The following XXYLT1 variants were observed in gnomAD, a reference collection of about 807,000 sequenced individuals.
XXYLT1 encodes xyloside xylosyltransferase 1.
A neutral mutation model predicts 28.9 loss-of-function variants in XXYLT1; 20 were observed. That is an observed-to-expected ratio of 0.69 (90% CI 0.49 to 1.00). The LOEUF (loss-of-function observed/expected upper bound fraction) is 1.00. XXYLT1 is among the 50% of genes least tolerant of loss of function. The pLI is 0.00. For missense variants in XXYLT1, 542 were observed against 560.1 expected, an observed-to-expected ratio of 0.97 and a Z score of 0.33; for synonymous variants, 257 against 253.8, an observed-to-expected ratio of 1.01 and a Z score of -0.12.
intron 3 of XXYLT1, chr3:195,152,696 A>G (rs749412343): frequency 5.3e-5 from 8 of 152,254 alleles, no homozygotes; most frequent in Non-Finnish European, 1.2e-4. Flanking sequence ...CTCATGGCAC[A>G]CAATACAGAG....
chr3:195,175,256 C>T (rs1721604269), intron 2 of XXYLT1, among the ~76,000 whole-genome samples: 1 of 152,192 alleles, frequency 6.6e-6, no homozygotes. Flanking sequence ...GAAGTCCTCT[C>T]CCCATAACAA....
intron 2 of XXYLT1, among the ~76,000 whole-genome samples, chr3:195,225,239 C>G (rs1168358188): frequency 6.6e-6 from 1 of 152,186 alleles, no homozygotes; most frequent in African/African-American, 2.4e-5. Flanking sequence ...GTGAGCTCGT[C>G]TCCTCTCTTC....
chr3:195,186,286 T>A (rs73063140), intron 2 of XXYLT1, among the ~76,000 whole-genome samples: 1 of 152,134 alleles, frequency 6.6e-6, no homozygotes, highest in Non-Finnish European at 1.5e-5. Flanking sequence ...GAAGAACGCA[T>A]GCAAAAGTAC....
chr3:195,197,637 T>A (rs1002706473), intron 2 of XXYLT1, among the ~76,000 whole-genome samples: 1 of 152,102 alleles, frequency 6.6e-6, no homozygotes, highest in Non-Finnish European at 1.5e-5. Flanking sequence ...AAATTGAAAC[T>A]ATCTAAACAA....
At chr3:195,121,984 C>T in intron 3 of XXYLT1, 1 of 700,814 alleles carries the variant, frequency 1.4e-6, no homozygotes, top group Non-Finnish European at 2.6e-6. Flanking sequence ...AACAAAGTAC[C>T]ACAGACTGGG....
chr3:195,246,481 C>T (rs1316423987), intron 1 of XXYLT1, among the ~76,000 whole-genome samples: 2 of 152,190 alleles, frequency 1.3e-5, no homozygotes, highest in African/African-American at 2.4e-5. Context: ...TTCAAACACA[C>T]GGGCCTTCCA....
intron 1 of XXYLT1, among the ~76,000 whole-genome samples, chr3:195,265,373 A>G (rs537942483): frequency 2.6e-5 from 4 of 152,282 alleles, no homozygotes; most frequent in African/African-American, 9.6e-5. Flanking sequence ...TCTCAAAAAA[A>G]AAAAAAAGAA....
chr3:195,168,963 T>C lies in XXYLT1; in HGVS notation c.653-12382A>G, dbSNP rs1206578784. 6.6e-6 allele frequency among the ~76,000 whole-genome samples: 1 copy of C among 152,208 alleles called. No homozygotes were observed. Among genetic ancestry groups the C allele is most frequent in the Non-Finnish European group, 1.5e-5 (1 of 68,030 alleles). ...TCCACCCACTCCCTGTGCAGTTACC[T>C]ACTTCTGGGAAACAAATCACTCCAA... On this transcript the variant is annotated intron_variant, in intron 2 of 3. Coordinates refer to ENST00000310380, the MANE Select transcript of XXYLT1 (RefSeq NM_152531.5). The surrounding 1 kb of genome is among the most constrained non-coding windows in gnomAD (Gnocchi z 4.3).
chr3:195,261,189 T>C (rs567781922), intron 1 of XXYLT1, among the ~76,000 whole-genome samples: 6 of 152,284 alleles, frequency 3.9e-5, no homozygotes, highest in Non-Finnish European at 7.4e-5. Context: ...TCCCAGCATT[T>C]TGGGAGGCGG....
At chr3:195,170,450 A>G (rs7640967) in intron 2 of XXYLT1, among the ~76,000 whole-genome samples, 6,216 of 152,278 alleles carry the variant, frequency 0.041, 430 homozygotes, top group African/African-American at 0.14. Flanking sequence ...CTTCTTCCGA[A>G]GCCAAGTCCG....
chr3:195,226,362 G>A (rs183534735), intron 2 of XXYLT1, among the ~76,000 whole-genome samples: 73 of 152,294 alleles, frequency 4.8e-4, no homozygotes, highest in African/African-American at 1.3e-3. Flanking sequence ...TTTGGATGGA[G>A]GATCATCTAA....
intron 2 of XXYLT1, among the ~76,000 whole-genome samples, chr3:195,204,043 T>C (rs994731643): frequency 6.6e-6 from 1 of 152,170 alleles, no homozygotes; most frequent in Non-Finnish European, 1.5e-5. Flanking sequence ...CCACACATAG[T>C]GTTAGAGAAA....
chr3:195,116,594 CT>C (rs1718054690), intron 3 of XXYLT1, among the ~76,000 whole-genome samples: 1 of 152,196 alleles, frequency 6.6e-6, no homozygotes, highest in Non-Finnish European at 1.5e-5. Flanking sequence ...AACTTATCAG[CT>C]CTCACCGGCT....
chr3:195,218,454 A>C (rs1168599940), intron 2 of XXYLT1, among the ~76,000 whole-genome samples: 12 of 151,742 alleles, frequency 7.9e-5, no homozygotes, highest in African/African-American at 2.9e-4. Flanking sequence ...CAATGAACTC[A>C]AACAAATTTA....
intron 3 of XXYLT1, among the ~76,000 whole-genome samples, chr3:195,155,656 C>T (rs535069762): frequency 2.7e-5 from 4 of 149,662 alleles, no homozygotes; most frequent in African/African-American, 7.4e-5. Flanking sequence ...CCCACCCCCA[C>T]GCCCCCCACC....
At chr3:195,136,652 T>C (rs1263586952) in intron 3 of XXYLT1, among the ~76,000 whole-genome samples, 1 of 152,068 alleles carries the variant, frequency 6.6e-6, no homozygotes, top group Non-Finnish European at 1.5e-5. Flanking sequence ...GTAAAACCAA[T>C]TTGCACACAG....
rs1210627173 is a variant in XXYLT1, at chr3:195,109,674, G to C, written c.786-39563C>G. Among the ~76,000 whole-genome samples the C allele has an allele frequency of 6.5e-5, 6 of 92,580 alleles. 1 individual carries two copies. Among genetic ancestry groups the C allele is most frequent in the South Asian group, 7.1e-4 (2 of 2,816 alleles). 60.7% of individuals were successfully genotyped at this position (92,580 alleles called of 152,430 possible). ...GTATGTGTGCGTGTGTGTGGTGTGTGTGTTGTATGAGTGTGTGTGGTGTCT... is the reference window on the plus strand; with the variant it reads ...GTATGTGTGCGTGTGTGTGGTGTGTCTGTTGTATGAGTGTGTGTGGTGTCT... On this transcript the variant is annotated intron_variant, in intron 3 of 3. Transcript: ENST00000310380.
intron 2 of XXYLT1, among the ~76,000 whole-genome samples, chr3:195,215,085 A>C (rs376950657): frequency 8.6e-5 from 13 of 151,064 alleles, no homozygotes; most frequent in African/African-American, 3.2e-4. Flanking sequence ...TTCATAAGTG[A>C]AGGAGAAATA....
intron 3 of XXYLT1, among the ~76,000 whole-genome samples, chr3:195,145,990 C>G (rs951662183): frequency 1.6e-4 from 24 of 152,208 alleles, no homozygotes; most frequent in African/African-American, 5.8e-4. Context: ...GAGGAGGAGA[C>G]AGATGTTCAA....
Sources: gnomAD v4.1 joint callset for allele counts (sites outside exome capture counted in the v4.1 genomes callset) on GRCh38, gnomAD v4.1.1 for gene constraint, Gnocchi (gnomAD v3.1) non-coding constraint, MANE v1.5 for transcripts, NCBI Gene and HGNC (gene_info 2026-07-23, HGNC 2026-07-21) for gene names.